FUT8: variants seen among roughly 807,000 people sequenced by gnomAD.
FUT8 encodes alpha-(1,6)-fucosyltransferase.
Under a neutral mutation model 71.3 loss-of-function variants are expected in FUT8, and 29 were observed. The observed-to-expected ratio is 0.41, with a 90% confidence interval of 0.30 to 0.55. FUT8 has a LOEUF of 0.55. Among genes scored for constraint, FUT8 ranks in the 20% least tolerant of loss-of-function variants. The probability of loss-of-function intolerance (pLI) is 0.34; values close to 1 mark genes in which losing one functional copy is unlikely to be tolerated. For synonymous variants in FUT8, 254 were observed against 239.3 expected, an observed-to-expected ratio of 1.06 and a Z score of -0.57; for missense variants, 544 against 702.1, an observed-to-expected ratio of 0.77 and a Z score of 2.55.
the FUT8 span, among the ~76,000 whole-genome samples, chr14:65,378,837 G>GTTTTTTTTTTT: frequency 1.3e-4 from 9 of 66,850 alleles, 2 homozygotes; most frequent in Non-Finnish European, 2.4e-4. Flanking sequence ...TCACAAGAAG[G>GTTTTTTTTTTT]TTTTTTTTTT....
intron 2 of FUT8, among the ~76,000 whole-genome samples, chr14:65,529,806 C>T (rs1883811025): frequency 6.6e-6 from 1 of 152,144 alleles, no homozygotes; most frequent in Admixed American, 6.5e-5. Context: ...TTTTCTAGGG[C>T]AGTCTAGAGT....
chr14:65,659,740 A>T (rs1451004547), intron 6 of FUT8, among the ~76,000 whole-genome samples: 2 of 151,164 alleles, frequency 1.3e-5, no homozygotes, highest in African/African-American at 4.9e-5. Context: ...TTCTCCTCCC[A>T]ACTCCCCTTT....
chr14:65,597,956 C>T (rs922264807), intron 3 of FUT8, among the ~76,000 whole-genome samples: 4 of 152,060 alleles, frequency 2.6e-5, no homozygotes, highest in East Asian at 1.9e-4. Flanking sequence ...ATTGCTTGAG[C>T]GCAGGAGTTG....
chr14:65,713,979 C>G (rs931579852), intron 7 of FUT8, among the ~76,000 whole-genome samples: 4 of 152,270 alleles, frequency 2.6e-5, no homozygotes, highest in South Asian at 4.1e-4. Flanking sequence ...CCAATGTTTT[C>G]TCTTAGTAGT....
intron 5 of FUT8, among the ~76,000 whole-genome samples, chr14:65,621,875 A>C (rs1889634289): frequency 6.6e-6 from 1 of 151,894 alleles, no homozygotes; most frequent in Admixed American, 6.6e-5. Flanking sequence ...TCCAGGCAGA[A>C]GTGCAGTGGC....
intron 2 of FUT8, among the ~76,000 whole-genome samples, chr14:65,531,226 T>G (rs1015106214): frequency 6.6e-6 from 1 of 152,058 alleles, no homozygotes; most frequent in Non-Finnish European, 1.5e-5. Context: ...AGATTTAAAT[T>G]AATGGCTCTT....
intron 2 of FUT8, chr14:65,458,276 C>A (rs1297362074): frequency 6.6e-6 from 1 of 151,396 alleles, no homozygotes; most frequent in Non-Finnish European, 1.5e-5. Flanking sequence ...CAGAAATATA[C>A]AGGTAGATTA....
At chr14:65,699,627 A>G (rs570394968) in intron 7 of FUT8, among the ~76,000 whole-genome samples, 21 of 152,310 alleles carry the variant, frequency 1.4e-4, no homozygotes, top group Admixed American at 5.2e-4. Context: ...CCACAGCCAC[A>G]TAGAAATGGG....
chr14:65,640,849 T>C (rs1160229899), intron 6 of FUT8, among the ~76,000 whole-genome samples: 4 of 152,072 alleles, frequency 2.6e-5, no homozygotes, highest in African/African-American at 7.2e-5. Flanking sequence ...TATGAATAAA[T>C]TAAAAACCTA....
rs140519661 is a variant in FUT8 at position 65,696,466 on chromosome 14, G to A, written c.836-25309G>A. On this transcript the variant is annotated intron_variant, in intron 7 of 10. Coordinates refer to ENST00000673929, the MANE Select transcript of FUT8 (RefSeq NM_001371533.1). ...CTAGATAAGGTTCCTCCAGCCCAGC[G>A]TTTTTCAAAATTTTTTTCTGACTTT... is the stretch of plus-strand genomic sequence containing the variant. Among the ~76,000 whole-genome samples the A allele has an allele frequency of 1.8e-4, 27 of 152,104 alleles. 3 individuals carry two copies. The highest frequency in any genetic ancestry group is 9.6e-4 in the East Asian group (5 of 5,190).
chr14:65,377,659 T>C, the FUT8 span, among the ~76,000 whole-genome samples: 1 of 152,172 alleles, frequency 6.6e-6, no homozygotes, highest in African/African-American at 2.4e-5. Context: ...GAAAGGAGGA[T>C]CCTCTTTACA....
At position 65,513,481 on chromosome 14, in the gene FUT8, C is replaced by T. The variant is rs537665785; in HGVS notation, c.-227-47856C>T. On this transcript the variant is annotated intron_variant, in intron 2 of 10. Coordinates refer to ENST00000673929, the MANE Select transcript of FUT8 (RefSeq NM_001371533.1). ...AGTAGTTAAGATAGGAAATGACAGT[C>T]GTGTAAAATAGGGCCTTAAAAACAA... is the stretch of plus-strand genomic sequence containing the variant. Among the ~76,000 whole-genome samples, 5 of 150,874 alleles carry T rather than the reference C, an allele frequency of 3.3e-5. No homozygotes were observed. In the East Asian group the frequency reaches 7.7e-4, roughly 23 times the overall value.
At chr14:65,611,294 CACACA>C (rs1566851559) in intron 3 of FUT8, among the ~76,000 whole-genome samples, 7 of 47,356 alleles carry the variant, frequency 1.5e-4, no homozygotes, top group African/African-American at 4.8e-4. Flanking sequence ...CACACACACA[CACACA>C]CACCCCCCAA....
chr14:65,466,812 C>T (rs1421850212), intron 2 of FUT8, among the ~76,000 whole-genome samples: 1 of 152,086 alleles, frequency 6.6e-6, no homozygotes, highest in Non-Finnish European at 1.5e-5. Context: ...AATAATTACA[C>T]AGTTAAACTG....
At chr14:65,605,829 A>G (rs1273258868) in intron 3 of FUT8, among the ~76,000 whole-genome samples, 2 of 151,880 alleles carry the variant, frequency 1.3e-5, no homozygotes, top group Non-Finnish European at 1.5e-5. Flanking sequence ...GTTTCAATTT[A>G]AATATCCTGG....
At chr14:65,382,427 C>T in the FUT8 span, among the ~76,000 whole-genome samples, 1 of 152,132 alleles carries the variant, frequency 6.6e-6, no homozygotes, top group East Asian at 1.9e-4. Flanking sequence ...ACCTTCGCCT[C>T]CCGAGTTCAA....
intron 7 of FUT8, among the ~76,000 whole-genome samples, chr14:65,693,242 C>T (rs1215075474): frequency 5.3e-5 from 8 of 152,256 alleles, no homozygotes; most frequent in Non-Finnish European, 1.0e-4. Context: ...AACGAGACTC[C>T]GTCTGCAATC....
chr14:65,538,218 CA>C (rs997385821), intron 2 of FUT8, among the ~76,000 whole-genome samples: 10 of 152,312 alleles, frequency 6.6e-5, no homozygotes, highest in African/African-American at 2.4e-4. Flanking sequence ...CCTGCCAACT[CA>C]AGTGTCCATG....
chr14:65,609,889 C>A (rs1888790612), intron 3 of FUT8, among the ~76,000 whole-genome samples: 2 of 151,734 alleles, frequency 1.3e-5, no homozygotes, highest in Non-Finnish European at 2.9e-5. Flanking sequence ...TAAACAAATT[C>A]AGTGTTGTTT....
Sources: gnomAD v4.1 joint callset for allele counts (sites outside exome capture counted in the v4.1 genomes callset) on GRCh38, gnomAD v4.1.1 for gene constraint, MANE v1.5 for transcripts, NCBI Gene and HGNC (gene_info 2026-07-23, HGNC 2026-07-21) for gene names.